The following BMPER variants were observed in gnomAD, a reference collection of about 807,000 sequenced individuals.
BMPER encodes BMP-binding endothelial regulator protein.
BMPER carries 45 observed loss-of-function variants against 87.3 expected under a neutral mutation model. The ratio of observed to expected loss-of-function variants is 0.52; its 90% CI spans 0.41 to 0.66. BMPER has a LOEUF of 0.66. Among genes scored for constraint, BMPER ranks in the 30% least tolerant of loss-of-function variants. The probability of loss-of-function intolerance (pLI) is 0.00; values close to 1 mark genes in which losing one functional copy is unlikely to be tolerated. For missense variants in BMPER, 784 were observed against 867.5 expected, an observed-to-expected ratio of 0.90 and a Z score of 1.21; for synonymous variants, 326 against 316.2, an observed-to-expected ratio of 1.03 and a Z score of -0.33.
Position 34,058,119 on chromosome 7 carries a change from G to A in BMPER, c.988G>A (p.Glu330Lys). The A allele has an allele frequency of 6.2e-7, 1 of 1,614,168 alleles. No individual in the cohort carries two copies. The highest frequency in any genetic ancestry group is 1.1e-5 in the South Asian group (1 of 91,088). The change falls in exon 10 of 15, where the codon GAG (glutamate) becomes AAG (lysine). Residue 330 changes from glutamate to lysine, a missense_variant. Transcript: ENST00000649409. ...CTGTGCTTGTGTGAAAGGCAGGACG[G>A]AGTGTCGCAATAAGCAGTGCATTCC... ...TICACVKGRTECRNKQCIPIS... is the reference protein window; with the variant it reads ...TICACVKGRTKCRNKQCIPIS...
chr7:34,019,550 TCTC>T (rs1359066936), intron 6 of BMPER, among the ~76,000 whole-genome samples: 3 of 152,054 alleles, frequency 2.0e-5, no homozygotes, highest in Admixed American at 2.0e-4. Flanking sequence ...CTGAGTTTGG[TCTC>T]CTCCTTGAAG....
intron 4 of BMPER, 152 bp from the exon 5 acceptor site, chr7:33,970,177 C>G: frequency 1.4e-6 from 1 of 727,006 alleles, no homozygotes. Context: ...GCCTGGATCT[C>G]ACCTCGTTGG....
chr7:34,107,165 A>G (rs753182136), intron 13 of BMPER, among the ~76,000 whole-genome samples: 1 of 152,226 alleles, frequency 6.6e-6, no homozygotes, highest in Non-Finnish European at 1.5e-5. Context: ...ACTAGATCAC[A>G]TTTGTATTTC....
At chr7:34,095,956 A>G (rs1789519660) in intron 13 of BMPER, among the ~76,000 whole-genome samples, 1 of 152,082 alleles carries the variant, frequency 6.6e-6, no homozygotes, top group African/African-American at 2.4e-5. Flanking sequence ...AAATAGAGAT[A>G]ATATCTTCAC....
chr7:34,044,066 G>A (rs1235154575), intron 6 of BMPER, among the ~76,000 whole-genome samples: 1 of 152,148 alleles, frequency 6.6e-6, no homozygotes, highest in Non-Finnish European at 1.5e-5. Flanking sequence ...GCAGCCTCTG[G>A]ACTTGGGCTT....
intron 6 of BMPER, among the ~76,000 whole-genome samples, chr7:34,016,161 G>C (rs1052016634): frequency 3.3e-5 from 5 of 151,792 alleles, no homozygotes; most frequent in Non-Finnish European, 7.4e-5. Context: ...TTTATCCCAC[G>C]TATATTTTAT....
At chr7:34,062,421 C>T (rs542050496) in intron 11 of BMPER, among the ~76,000 whole-genome samples, 2 of 152,276 alleles carry the variant, frequency 1.3e-5, no homozygotes, top group East Asian at 3.9e-4. Flanking sequence ...AGGGGCTTTC[C>T]TTCTCCCATT....
intron 13 of BMPER, among the ~76,000 whole-genome samples, chr7:34,099,336 A>T (rs1336472915): frequency 6.6e-6 from 1 of 152,166 alleles, no homozygotes; most frequent in Non-Finnish European, 1.5e-5. Flanking sequence ...CCTCACCCCC[A>T]AATTTTCTGT....
At chr7:33,973,878 A>G (rs1785612127) in intron 5 of BMPER, among the ~76,000 whole-genome samples, 1 of 152,098 alleles carries the variant, frequency 6.6e-6, no homozygotes, top group South Asian at 2.1e-4. Context: ...TGGTTTGTGC[A>G]TCGTGCCATT....
chr7:33,915,004 A>G (rs1276784835), intron 2 of BMPER, among the ~76,000 whole-genome samples: 2 of 152,190 alleles, frequency 1.3e-5, no homozygotes, highest in African/African-American at 4.8e-5. Context: ...ATGGGATTGA[A>G]TTGATCATAG....
intron 11 of BMPER, among the ~76,000 whole-genome samples, chr7:34,062,956 G>A (rs1164515444): frequency 6.6e-6 from 1 of 152,176 alleles, no homozygotes; most frequent in African/African-American, 2.4e-5. Context: ...TCTGAAAACT[G>A]TCTGAGACTG....
intron 4 of BMPER, among the ~76,000 whole-genome samples, chr7:33,968,855 A>G (rs1437470316): frequency 1.3e-5 from 2 of 152,200 alleles, no homozygotes; most frequent in Non-Finnish European, 2.9e-5. Flanking sequence ...GAAAATTTGA[A>G]GATCATGGAC....
chr7:34,044,616 T>C (rs1002336710), intron 6 of BMPER, among the ~76,000 whole-genome samples: 3 of 152,130 alleles, frequency 2.0e-5, no homozygotes, highest in African/African-American at 7.2e-5. Flanking sequence ...ACTTTAATAT[T>C]ATGCAGGGTT....
chr7:34,067,326 G>C (rs940661725), intron 11 of BMPER: 2 of 152,086 alleles, frequency 1.3e-5, no homozygotes, highest in African/African-American at 2.4e-5. Context: ...ATGCGTACAG[G>C]TAGCTCCAAT....
intron 6 of BMPER, among the ~76,000 whole-genome samples, chr7:33,988,608 T>A (rs1249103579): frequency 6.6e-6 from 1 of 152,168 alleles, no homozygotes; most frequent in Non-Finnish European, 1.5e-5. Context: ...TATTTTTATT[T>A]TTTTTTAATT....
chr7:33,917,472 T>G (rs1784112987), intron 2 of BMPER, among the ~76,000 whole-genome samples: 5 of 152,084 alleles, frequency 3.3e-5, no homozygotes. Flanking sequence ...AGTTCAAAGA[T>G]TTGTAAACTG....
intron 3 of BMPER, among the ~76,000 whole-genome samples, chr7:33,938,735 A>G (rs1462305037): frequency 2.0e-5 from 3 of 152,172 alleles, no homozygotes; most frequent in African/African-American, 7.2e-5. Context: ...TTGTTAAGTG[A>G]GGACAGCAGG....
At chr7:33,912,110 T>TTAAACA (rs1783978784) in intron 2 of BMPER, among the ~76,000 whole-genome samples, 3 of 152,130 alleles carry the variant, frequency 2.0e-5, no homozygotes, top group Admixed American at 2.0e-4. Context: ...TCGCTTTCCA[T>TTAAACA]TAAACATAAA....
chr7:34,064,805 C>T (rs1318139023), intron 11 of BMPER, among the ~76,000 whole-genome samples: 1 of 152,192 alleles, frequency 6.6e-6, no homozygotes. Context: ...GCAGTTCTTC[C>T]ATCATTGCTG....
Sources: gnomAD v4.1 joint callset for allele counts (sites outside exome capture counted in the v4.1 genomes callset) on GRCh38, gnomAD v4.1.1 for gene constraint, MANE v1.5 for transcripts, NCBI Gene and HGNC (gene_info 2026-07-23, HGNC 2026-07-21) for gene names.